Variants in SMOC2 observed in about 807,000 individuals in gnomAD.
The protein encoded by SMOC2 is SPARC-related modular calcium-binding protein 2.
In SMOC2, 39 loss-of-function variants were observed where a neutral mutation model predicts 61.4. That is an observed-to-expected ratio of 0.64 (90% CI 0.49 to 0.83). The LOEUF (loss-of-function observed/expected upper bound fraction) is 0.83, where lower values mean the gene tolerates loss of function less well. SMOC2 is among the 40% of genes least tolerant of loss of function. The pLI is 0.00. For missense variants in SMOC2, 556 were observed against 592.9 expected (o/e 0.94, Z 0.65); for synonymous variants, 247 against 239.9 (o/e 1.03, Z -0.27).
chr6:168,666,241 CTG>C (rs1787658483), intron 12 of SMOC2, among the ~76,000 whole-genome samples, 178 bp from the exon 13 acceptor site: 1 of 152,144 alleles, frequency 6.6e-6, no homozygotes, highest in South Asian at 2.1e-4. Context: ...AGGAAGGAAA[CTG>C]TTAAGAAGTT....
At chr6:168,507,883 C>G (rs1782911611) in intron 1 of SMOC2, among the ~76,000 whole-genome samples, 1 of 152,238 alleles carries the variant, frequency 6.6e-6, no homozygotes, top group Non-Finnish European at 1.5e-5. Context: ...TCTGAGATGG[C>G]AAAGGCCCCA....
rs1787598304 is a variant in SMOC2 at position 168,664,339 on chromosome 6, T to C, written c.1323+228T>C. On this transcript the variant is annotated intron_variant, in intron 12 of 12. Transcript: ENST00000356284. ...TTTGAAAAAAGTTTATTATTTGAAC[T>C]TTCATTTATTAAGAAAAATTTCTGA... The C allele has an allele frequency of 7.0e-6, 4 of 573,920 alleles. No individual in the cohort carries two copies. In the Admixed American group the frequency reaches 1.2e-4, roughly 17 times the overall value. 35.6% of individuals were successfully genotyped at this position (573,920 alleles called of 1,614,324 possible).
chr6:168,610,107 C>A (rs1335552278), intron 9 of SMOC2, among the ~76,000 whole-genome samples: 1 of 152,190 alleles, frequency 6.6e-6, no homozygotes, highest in African/African-American at 2.4e-5. Context: ...AACATGATGT[C>A]ATTGTCTTCT....
Position 168,553,294 on chromosome 6 carries a change from A to G in SMOC2, c.637+4091A>G, listed in dbSNP as rs1187702009. ...GCATTACTCAGTTTTTCCCATCAAT[A>G]TAAAATTGTGTTACTTCTTTTACTG... On this transcript the variant is annotated intron_variant, in intron 7 of 12. Coordinates refer to ENST00000356284, the MANE Select transcript of SMOC2 (RefSeq NM_001166412.2). The surrounding 1 kb of genome is among the most constrained non-coding windows in gnomAD (Gnocchi z 4.2). Among the ~76,000 whole-genome samples, 2 of 152,196 alleles carry G rather than the reference A, an allele frequency of 1.3e-5. No homozygotes were observed. The highest frequency in any genetic ancestry group is 2.9e-5 in the Non-Finnish European group (2 of 68,028).
intron 1 of SMOC2, among the ~76,000 whole-genome samples, chr6:168,485,632 A>G (rs1782313994): frequency 6.6e-6 from 1 of 152,226 alleles, no homozygotes; most frequent in South Asian, 2.1e-4. Flanking sequence ...CTATAGAGAA[A>G]GAAAGCAGAT....
chr6:168,535,817 T>C lies in SMOC2; in HGVS notation c.464-7808T>C, dbSNP rs570232281. Among the ~76,000 whole-genome samples, 20 of 147,726 alleles carry C rather than the reference T, an allele frequency of 1.4e-4. No homozygotes were observed. The highest frequency in any genetic ancestry group is 4.7e-4 in the Admixed American group (7 of 14,854). On this transcript the variant is annotated intron_variant, in intron 4 of 12. Coordinates refer to ENST00000356284, the MANE Select transcript of SMOC2 (RefSeq NM_001166412.2). This position sits in a 1 kb window ranked among gnomAD's most constrained non-coding sequence, Gnocchi z 4.6. Reference sequence around the variant, plus strand: ...GAGGGAGACCAATGCGCAGTGACAGTGATCCTGGGGACACGTGAGGAATAA... The same window carrying C: ...GAGGGAGACCAATGCGCAGTGACAGCGATCCTGGGGACACGTGAGGAATAA...
chr6:168,652,853 G>C, intron 10 of SMOC2, 101 bp from the exon 11 acceptor site: 1 of 1,039,070 alleles, frequency 9.6e-7, no homozygotes, highest in Non-Finnish European at 1.4e-6. Flanking sequence ...CCAGGACCAT[G>C]AGAACTACAA....
In SMOC2 at chr6:168,650,640, G is replaced by C. The variant is rs111249468; in HGVS notation, c.908-41G>C. 3.9e-3 allele frequency: 6,179 copies of C among 1,573,064 alleles called. 238 individuals carry two copies. In the African/African-American group the frequency reaches 0.073, roughly 19 times the overall value. On this transcript the variant is annotated intron_variant, in intron 9 of 12. Coordinates refer to ENST00000356284, the MANE Select transcript of SMOC2 (RefSeq NM_001166412.2). Reference sequence around the variant, plus strand: ...TGTATTTTAGAGGAAAATCTGTTAGGCTTTATGAGTTAATTATGAAAACAT... The same window carrying C: ...TGTATTTTAGAGGAAAATCTGTTAGCCTTTATGAGTTAATTATGAAAACAT...
intron 1 of SMOC2, among the ~76,000 whole-genome samples, chr6:168,466,915 G>A (rs1781847086): frequency 1.3e-5 from 2 of 152,198 alleles, no homozygotes; most frequent in Non-Finnish European, 2.9e-5. Flanking sequence ...GGAAAAGGGA[G>A]CTGTGTCTTC....
intron 7 of SMOC2, among the ~76,000 whole-genome samples, chr6:168,598,499 A>T (rs1785386580): frequency 6.6e-6 from 1 of 152,214 alleles, no homozygotes; most frequent in Admixed American, 6.5e-5. Context: ...TGTGGGCATC[A>T]GATCTGCTCC....
At chr6:168,570,093 A>C (rs1277373658) in intron 7 of SMOC2, among the ~76,000 whole-genome samples, 1 of 141,742 alleles carries the variant, frequency 7.1e-6, no homozygotes, top group Non-Finnish European at 1.5e-5. Context: ...TCCTGGCATC[A>C]CGTCACCTTG....
intron 1 of SMOC2, among the ~76,000 whole-genome samples, chr6:168,492,207 T>TA (rs1372361678): frequency 6.6e-6 from 1 of 152,222 alleles, no homozygotes; most frequent in Non-Finnish European, 1.5e-5. Context: ...CAGTTGTATT[T>TA]AAAATGGAAG....
At chr6:168,505,548 C>A in intron 1 of SMOC2, among the ~76,000 whole-genome samples, 1 of 151,972 alleles carries the variant, frequency 6.6e-6, no homozygotes, top group East Asian at 1.9e-4. Flanking sequence ...CTCTCAGATG[C>A]TGGATGAATG....
At chr6:168,662,797 C>A (rs1257153958) in intron 11 of SMOC2, among the ~76,000 whole-genome samples, 1 of 152,076 alleles carries the variant, frequency 6.6e-6, no homozygotes. Flanking sequence ...GGGTGTAGAG[C>A]CTGAGGGATT....
intron 8 of SMOC2, among the ~76,000 whole-genome samples, chr6:168,607,889 T>C (rs753424238): frequency 1.5e-5 from 1 of 65,458 alleles, no homozygotes; most frequent in Non-Finnish European, 3.2e-5. Flanking sequence ...TAGATGAGAT[T>C]CATTTCAGAG....
chr6:168,583,264 C>T (rs1054279844), intron 7 of SMOC2, among the ~76,000 whole-genome samples: 1 of 152,146 alleles, frequency 6.6e-6, no homozygotes, highest in Non-Finnish European at 1.5e-5. Flanking sequence ...CCCTGCCCTG[C>T]CTCACTCCTT....
intron 12 of SMOC2, chr6:168,664,920 G>A: frequency 2.3e-6 from 1 of 426,536 alleles, no homozygotes; most frequent in Non-Finnish European, 4.9e-6. Context: ...ATGCCAGGTC[G>A]ACATTTCCTA....
At position 168,481,940 on chromosome 6, in the gene SMOC2, T is replaced by G. The variant is rs73272914; in HGVS notation, c.85-27975T>G. ...ATGTATAGCTATTAATTCTACCCTT[T>G]AAAAAAATAAGAAAAAAACCTAACT... On this transcript the variant is annotated intron_variant, in intron 1 of 12. Transcript: ENST00000356284. Among the ~76,000 whole-genome samples the G allele has an allele frequency of 4.1e-3, 629 of 151,574 alleles. 7 individuals carry two copies. The highest frequency in any genetic ancestry group is 0.014 in the African/African-American group (590 of 41,390).
intron 9 of SMOC2, among the ~76,000 whole-genome samples, chr6:168,637,437 G>A (rs1246930426): frequency 1.3e-5 from 2 of 152,204 alleles, no homozygotes; most frequent in Non-Finnish European, 2.9e-5. Flanking sequence ...GCAGCAAGGA[G>A]GTTGTTTCAT....
Sources: gnomAD v4.1 joint callset for allele counts (sites outside exome capture counted in the v4.1 genomes callset) on GRCh38, gnomAD v4.1.1 for gene constraint, Gnocchi (gnomAD v3.1) non-coding constraint, MANE v1.5 for transcripts, NCBI Gene and HGNC (gene_info 2026-07-23, HGNC 2026-07-21) for gene names.